Variants in DAPK2 observed in about 807,000 individuals in gnomAD.
The protein encoded by DAPK2 is death-associated protein kinase 2.
Under a neutral mutation model 44.1 loss-of-function variants are expected in DAPK2, and 35 were observed. The ratio of observed to expected loss-of-function variants is 0.79; its 90% CI spans 0.61 to 1.05. The LOEUF (loss-of-function observed/expected upper bound fraction) is 1.05, where lower values mean the gene tolerates loss of function less well. Ranked by LOEUF, DAPK2 falls within the 50% of genes least tolerant of loss-of-function variation. DAPK2 has a pLI of 0.00. For synonymous variants in DAPK2, 174 were observed against 182.6 expected (o/e 0.95, Z 0.38); for missense variants, 453 against 483.2 (o/e 0.94, Z 0.59).
intron 1 of DAPK2, among the ~76,000 whole-genome samples, chr15:63,995,608 G>A (rs1228468573): frequency 6.6e-6 from 1 of 152,160 alleles, no homozygotes; most frequent in Non-Finnish European, 1.5e-5. Context: ...CACATTGTTG[G>A]TCACTCCATG....
intron 8 of DAPK2, chr15:63,920,446 A>G (rs1595704129): frequency 6.6e-6 from 1 of 152,056 alleles, no homozygotes; most frequent in East Asian, 1.9e-4. Context: ...GTGGGGGTAG[A>G]GAGAGTTTCC....
intron 1 of DAPK2, among the ~76,000 whole-genome samples, chr15:64,030,955 AG>A (rs1212259099): frequency 1.3e-5 from 2 of 148,152 alleles, no homozygotes; most frequent in African/African-American, 2.5e-5. Context: ...CAACAGAGCA[AG>A]ACCCTGTCTC....
At chr15:63,960,750 G>A (rs2077876757) in intron 3 of DAPK2, among the ~76,000 whole-genome samples, 1 of 152,186 alleles carries the variant, frequency 6.6e-6, no homozygotes, top group African/African-American at 2.4e-5. Context: ...ATTGGCTGAG[G>A]AGTGCTTTAC....
chr15:63,940,364 T>A (rs1595761470), intron 3 of DAPK2, among the ~76,000 whole-genome samples: 1 of 151,882 alleles, frequency 6.6e-6, no homozygotes, highest in East Asian at 1.9e-4. Flanking sequence ...AGTATCCACA[T>A]GTGAATTCGA....
intron 1 of DAPK2, among the ~76,000 whole-genome samples, chr15:64,016,304 C>A (rs991887975): frequency 6.6e-6 from 1 of 152,224 alleles, no homozygotes; most frequent in African/African-American, 2.4e-5. Flanking sequence ...CCTTCTCCAG[C>A]AAGTTTCTTA....
At chr15:63,993,235 C>T (rs565083186) in intron 1 of DAPK2, among the ~76,000 whole-genome samples, 1 of 152,272 alleles carries the variant, frequency 6.6e-6, no homozygotes, top group East Asian at 1.9e-4. Flanking sequence ...CAAAGAAACA[C>T]CTTCACAGTT....
intron 1 of DAPK2, chr15:63,991,094 G>A (rs1427587340): frequency 5.2e-6 from 2 of 381,894 alleles, no homozygotes; most frequent in Non-Finnish European, 1.0e-5. Flanking sequence ...CATTCCCCAA[G>A]GTCAGAGCAA....
chr15:63,938,443 G>A lies in DAPK2; in HGVS notation c.583+789C>T, dbSNP rs184769404. 1.1e-3 allele frequency among the ~76,000 whole-genome samples: 167 copies of A among 152,338 alleles called. 2 individuals carry two copies. Among genetic ancestry groups the A allele is most frequent in the Non-Finnish European group, 2.1e-4 (14 of 68,034 alleles). On this transcript the variant is annotated intron_variant, in intron 4 of 10. Coordinates refer to ENST00000261891, the Ensembl canonical transcript of DAPK2. ...AGCAGCATTCTACGGTGGCTGCAGA[G>A]CCTGAAAATCCACCAGGTGGTTGGT... is the stretch of plus-strand genomic sequence containing the variant.
chr15:63,920,390 C>T (rs899198724), intron 8 of DAPK2: 1 of 152,082 alleles, frequency 6.6e-6, no homozygotes, highest in South Asian at 2.1e-4. Flanking sequence ...CATGGTGGCT[C>T]TATTTCTCAT....
chr15:64,042,558 G>C (rs1169046899), upstream of DAPK2, among the ~76,000 whole-genome samples: 1 of 152,212 alleles, frequency 6.6e-6, no homozygotes, highest in East Asian at 1.9e-4. The surrounding 1 kb of genome is among the most constrained non-coding windows in gnomAD (Gnocchi z 4.7). Flanking sequence ...AGAAGCCCCA[G>C]TTCCCAGCAA....
rs1016615301 is a variant in DAPK2 at position 64,013,232 on chromosome 15, C to T, written c.92+26938G>A. On this transcript the variant is annotated intron_variant, in intron 1 of 10. Transcript: ENST00000261891. The surrounding 1 kb of genome is among the most constrained non-coding windows in gnomAD (Gnocchi z 4.7). The stretch of plus-strand genomic sequence containing the variant: ...TGTAAAATGAGACCAGTCTAACTCC[C>T]TTGTTCTGCATGGGATTATGGAAAT... 6.6e-6 allele frequency among the ~76,000 whole-genome samples: 1 copy of T among 152,210 alleles called. No individual in the cohort carries two copies. The highest frequency in any genetic ancestry group is 1.5e-5 in the Non-Finnish European group (1 of 68,022).
intron 2 of DAPK2, among the ~76,000 whole-genome samples, chr15:63,982,211 G>A (rs568904713): frequency 2.0e-3 from 163 of 83,322 alleles, no homozygotes; most frequent in East Asian, 9.0e-3. Flanking sequence ...TTTTTTTTCC[G>A]AGATGGAGTC....
chr15:64,026,887 T>C (rs2079862757), intron 1 of DAPK2, among the ~76,000 whole-genome samples: 1 of 152,176 alleles, frequency 6.6e-6, no homozygotes, highest in African/African-American at 2.4e-5. Context: ...ACTTACAAAA[T>C]GGGAACTATT....
intron 1 of DAPK2, among the ~76,000 whole-genome samples, chr15:64,022,835 G>A (rs888336906): frequency 3.9e-5 from 6 of 152,144 alleles, no homozygotes; most frequent in African/African-American, 1.4e-4. Flanking sequence ...TTGTGTGTGT[G>A]TATTCTAGCT....
intron 1 of DAPK2, among the ~76,000 whole-genome samples, chr15:63,988,369 G>A (rs2078721560): frequency 6.6e-6 from 1 of 152,150 alleles, no homozygotes; most frequent in Non-Finnish European, 1.5e-5. Flanking sequence ...TAAGGTTCAT[G>A]GAGGAGCCTG....
chr15:64,019,879 G>A (rs778513188), intron 1 of DAPK2, among the ~76,000 whole-genome samples: 8 of 152,160 alleles, frequency 5.3e-5, no homozygotes, highest in Non-Finnish European at 1.2e-4. Flanking sequence ...TCTTATCAGA[G>A]GTTGGTGAAC....
At chr15:64,027,603 C>T (rs2926691) in intron 1 of DAPK2, among the ~76,000 whole-genome samples, 120 of 151,930 alleles carry the variant, frequency 7.9e-4, no homozygotes, top group African/African-American at 2.7e-3. Context: ...GCAAACACCA[C>T]GAAGAAAAGT....
At chr15:64,018,985 T>G (rs1215972960) in intron 1 of DAPK2, among the ~76,000 whole-genome samples, 2 of 152,240 alleles carry the variant, frequency 1.3e-5, no homozygotes, top group Non-Finnish European at 2.9e-5. Flanking sequence ...GGCTAATGCC[T>G]GTCCAATAAG....
rs1473526973 is a variant in DAPK2, at chr15:63,912,255, C to G, written c.859-58G>C. ...CTGGGCTTCAGACAGCAGCCACCCT[C>G]CTCGCCGCAGAACTCCCCACCCACC... On this transcript the variant is annotated intron_variant, in intron 8 of 10. Transcript: ENST00000261891. This position sits in a 1 kb window ranked among gnomAD's most constrained non-coding sequence, Gnocchi z 4.4. The G allele has an allele frequency of 1.0e-5, 16 of 1,566,526 alleles. No homozygotes were observed. Among genetic ancestry groups the G allele is most frequent in the African/African-American group, 2.7e-5 (2 of 74,006 alleles).
Sources: allele counts gnomAD v4.1 joint callset (sites outside exome capture counted in the v4.1 genomes callset), GRCh38; gene constraint gnomAD v4.1.1; non-coding constraint Gnocchi (gnomAD v3.1); transcripts MANE v1.5; gene names NCBI Gene and HGNC (gene_info 2026-07-23, HGNC 2026-07-21).